The following ZCCHC4 variants were observed in gnomAD, a reference collection of about 807,000 sequenced individuals.
ZCCHC4 encodes zinc finger CCHC-type containing 4.
Under a neutral mutation model 67.7 loss-of-function variants are expected in ZCCHC4, and 54 were observed. That is an observed-to-expected ratio of 0.80 (90% CI 0.64 to 1.00). The LOEUF (loss-of-function observed/expected upper bound fraction) is 1.00. Ranked by LOEUF, ZCCHC4 falls within the 50% of genes least tolerant of loss-of-function variation. The probability of loss-of-function intolerance (pLI) is 0.00; values close to 1 mark genes in which losing one functional copy is unlikely to be tolerated. For synonymous variants in ZCCHC4, 198 were observed against 213.5 expected (o/e 0.93, Z 0.63); for missense variants, 609 against 617.0 (o/e 0.99, Z 0.14).
intron 5 of ZCCHC4, among the ~76,000 whole-genome samples, chr4:25,336,495 T>C (rs1423327981): frequency 6.6e-6 from 1 of 152,162 alleles, no homozygotes; most frequent in Non-Finnish European, 1.5e-5. Flanking sequence ...ATATTTTTAT[T>C]TGTTTGTTTG....
At chr4:25,338,233 A>G (rs1719560432) in intron 5 of ZCCHC4, among the ~76,000 whole-genome samples, 1 of 152,122 alleles carries the variant, frequency 6.6e-6, no homozygotes, top group Non-Finnish European at 1.5e-5. Context: ...AGCTGGGACC[A>G]CAGGCGTGTG....
chr4:25,313,646 G>C (rs1490313853), intron 1 of ZCCHC4, among the ~76,000 whole-genome samples: 1 of 152,164 alleles, frequency 6.6e-6, no homozygotes, highest in Non-Finnish European at 1.5e-5. Flanking sequence ...GGGCCGAGGC[G>C]GGCTGATCGC....
At position 25,362,258 on chromosome 4, in the gene ZCCHC4, T is replaced by C. The variant is rs1401594701; in HGVS notation, c.1166T>C (p.Leu389Pro). ...FCSPCQRYVS[L>P]ENQHCELCNS... is the part of the protein sequence containing the mutation. ...TCTCCGTGTCAACGGTATGTTTCTC[T>C]AGAGAATCAACACTGTGAGCTCTGT... Residue 389 changes from leucine (L) to proline (P), a missense_variant, in exon 10 of 13, where the codon CTA becomes CCA. Transcript: ENST00000302874. 1.2e-6 allele frequency: 2 copies of C among 1,611,480 alleles called. No homozygotes were observed. Among genetic ancestry groups the C allele is most frequent in the East Asian group, 2.2e-5 (1 of 44,838 alleles).
At chr4:25,330,836 T>G (rs1719143996) in intron 3 of ZCCHC4, among the ~76,000 whole-genome samples, 1 of 152,236 alleles carries the variant, frequency 6.6e-6, no homozygotes, top group Admixed American at 6.5e-5. Flanking sequence ...TAATTCCACC[T>G]GCTTCTGGCC....
intron 3 of ZCCHC4, among the ~76,000 whole-genome samples, chr4:25,325,305 C>CTTT (rs55917871): frequency 3.3e-5 from 4 of 122,500 alleles, no homozygotes; most frequent in Admixed American, 2.0e-4. Flanking sequence ...TTCACTCTCT[C>CTTT]TTTTTTTTTT....
chr4:25,362,035 A>G, intron 9 of ZCCHC4, 55 bp downstream of exon 9: 5 of 1,573,762 alleles, frequency 3.2e-6, no homozygotes, highest in South Asian at 1.2e-5. Context: ...AAAGTTACAT[A>G]TATCCATCAG....
At chr4:25,361,613 TCTCG>T (rs993044724) in intron 8 of ZCCHC4, 1 of 435,532 alleles carries the variant, frequency 2.3e-6, no homozygotes. Flanking sequence ...TTGCGCCCAG[TCTCG>T]CTCATGCCCA....
chr4:25,347,683 G>A (rs1720088714), intron 6 of ZCCHC4, among the ~76,000 whole-genome samples: 1 of 152,160 alleles, frequency 6.6e-6, no homozygotes, highest in African/African-American at 2.4e-5. Flanking sequence ...GTGCTTAGGA[G>A]AATAGAATAC....
intron 3 of ZCCHC4, among the ~76,000 whole-genome samples, chr4:25,323,040 G>A (rs955579839): frequency 1.3e-5 from 2 of 152,156 alleles, no homozygotes; most frequent in Admixed American, 6.5e-5. Context: ...GATAATGTTT[G>A]GTTGTTCCTT....
intron 3 of ZCCHC4, among the ~76,000 whole-genome samples, chr4:25,331,538 C>G (rs1008002603): frequency 2.0e-5 from 3 of 152,182 alleles, no homozygotes; most frequent in Admixed American, 6.5e-5. Context: ...AGCTCCTGGC[C>G]TCAAGTGATC....
At chr4:25,347,818 AG>A (rs1720095467) in intron 6 of ZCCHC4, among the ~76,000 whole-genome samples, 1 of 152,234 alleles carries the variant, frequency 6.6e-6, no homozygotes, top group Non-Finnish European at 1.5e-5. Context: ...TGGCAAAGTC[AG>A]TTAAAGTATG....
At chr4:25,321,341 C>T (rs1196247194) in intron 3 of ZCCHC4, among the ~76,000 whole-genome samples, 1 of 151,888 alleles carries the variant, frequency 6.6e-6, no homozygotes, top group African/African-American at 2.4e-5. Context: ...TAGCCTCCAA[C>T]TTTTGGGATT....
chr4:25,351,756 C>G, intron 8 of ZCCHC4, 67 bp downstream of exon 8: 2 of 1,332,890 alleles, frequency 1.5e-6, no homozygotes, highest in South Asian at 2.6e-5. Context: ...AGATATAAGA[C>G]TATTCATTGA....
intron 2 of ZCCHC4, 114 bp downstream of exon 2, chr4:25,314,278 A>G: frequency 1.5e-6 from 1 of 649,690 alleles, no homozygotes; most frequent in Non-Finnish European, 2.7e-6. Flanking sequence ...AAATCTCTTA[A>G]GAGAGATGGA....
chr4:25,350,528 C>G (rs926795769), intron 7 of ZCCHC4, among the ~76,000 whole-genome samples: 1 of 152,072 alleles, frequency 6.6e-6, no homozygotes, highest in African/African-American at 2.4e-5. Context: ...CTCAGCCTCT[C>G]AAAGTGCTGG....
chr4:25,323,470 A>C (rs1198139983), intron 3 of ZCCHC4, among the ~76,000 whole-genome samples: 1 of 151,582 alleles, frequency 6.6e-6, no homozygotes, highest in African/African-American at 2.4e-5. Flanking sequence ...TAGTTCTTTG[A>C]GATTATTACT....
rs3752870 is a variant in ZCCHC4 at position 25,362,348 on chromosome 4, T to G, written c.1209+47T>G. Reference sequence around the variant, plus strand: ...TATTTTTATTTAGATATATTCATTTTATTTTAGTTTACTAGTTTTATTACT... The same window carrying G: ...TATTTTTATTTAGATATATTCATTTGATTTTAGTTTACTAGTTTTATTACT... On this transcript the variant is annotated intron_variant, in intron 10 of 12. Transcript: ENST00000302874. 2.7e-3 allele frequency: 3,493 copies of G among 1,289,440 alleles called. 59 individuals are homozygous for G. The African/African-American group carries it at 0.037, about 14-fold the overall frequency. The allele number at this position is 1,289,440 out of a possible 1,614,324, so 79.9% of individuals were successfully genotyped here.
At chr4:25,333,124 AT>A in intron 3 of ZCCHC4, 58 bp from the exon 4 acceptor site, 1 of 1,536,458 alleles carries the variant, frequency 6.5e-7, no homozygotes, top group East Asian at 2.3e-5. Flanking sequence ...AGCAAAACAC[AT>A]TGTGTTTACA....
At chr4:25,367,387 A>T (rs1720992295) in intron 12 of ZCCHC4, among the ~76,000 whole-genome samples, 1 of 152,172 alleles carries the variant, frequency 6.6e-6, no homozygotes. Context: ...AATATTTTCA[A>T]ATATTTTCCT....
Sources: gnomAD v4.1 joint callset for allele counts (sites outside exome capture counted in the v4.1 genomes callset) on GRCh38, gnomAD v4.1.1 for gene constraint, MANE v1.5 for transcripts, NCBI Gene and HGNC (gene_info 2026-07-23, HGNC 2026-07-21) for gene names.